The following DLG2 variants were observed in gnomAD, a reference collection of about 807,000 sequenced individuals.
DLG2 encodes discs large MAGUK scaffold protein 2, also known as disks large homolog 2.
In DLG2, 45 loss-of-function variants were observed where a neutral mutation model predicts 132.5. The observed-to-expected ratio is 0.34, with a 90% CI of 0.27 to 0.44. The LOEUF (loss-of-function observed/expected upper bound fraction) is 0.44, where lower values mean the gene tolerates loss of function less well. DLG2 is among the 20% of genes least tolerant of loss of function. The pLI is 1.00. For synonymous variants in DLG2, 424 were observed against 419.6 expected (o/e 1.01, Z -0.13); for missense variants, 1,045 against 1,196.9 (o/e 0.87, Z 1.87).
chr11:84,927,945 A>T (rs1054524755), intron 6 of DLG2, among the ~76,000 whole-genome samples: 1 of 151,950 alleles, frequency 6.6e-6, no homozygotes, highest in Non-Finnish European at 1.5e-5. Context: ...TATCTGTGTT[A>T]ACAAGCCCTC....
intron 18 of DLG2, among the ~76,000 whole-genome samples, chr11:83,753,284 G>A (rs1475044499): frequency 6.6e-6 from 1 of 152,016 alleles, no homozygotes; most frequent in East Asian, 1.9e-4. Flanking sequence ...TTAGCTGGGC[G>A]TGGTGGCAGG....
chr11:85,132,670 T>C (rs1477823820), intron 5 of DLG2: 1 of 454,786 alleles, frequency 2.2e-6, no homozygotes, highest in Admixed American at 2.4e-5. Flanking sequence ...TCATTTTCTC[T>C]CATGAACTGG....
intron 14 of DLG2, among the ~76,000 whole-genome samples, chr11:83,951,161 G>A (rs1183753128): frequency 6.6e-6 from 1 of 152,078 alleles, no homozygotes; most frequent in Non-Finnish European, 1.5e-5. Flanking sequence ...ATATACAGCT[G>A]ATGGGAATGT....
chr11:84,216,765 G>C (rs181648178), intron 8 of DLG2, among the ~76,000 whole-genome samples: 71 of 152,254 alleles, frequency 4.7e-4, no homozygotes, highest in African/African-American at 1.7e-3. Flanking sequence ...TAGCAACAAA[G>C]AAATGTTATA....
At chr11:83,715,925 T>A (rs2086585387) in intron 18 of DLG2, among the ~76,000 whole-genome samples, 1 of 152,172 alleles carries the variant, frequency 6.6e-6, no homozygotes, top group Non-Finnish European at 1.5e-5. Context: ...TCTGATCATC[T>A]CATTAGGCTG....
chr11:84,907,703 G>A (rs2091669783), intron 6 of DLG2, among the ~76,000 whole-genome samples: 1 of 152,142 alleles, frequency 6.6e-6, no homozygotes, highest in African/African-American at 2.4e-5. Context: ...CTTAGAACAT[G>A]GCAGAGGAGA....
intron 6 of DLG2, among the ~76,000 whole-genome samples, chr11:84,579,841 G>C (rs150894014): frequency 6.6e-6 from 1 of 152,326 alleles, no homozygotes; most frequent in Non-Finnish European, 1.5e-5. Flanking sequence ...TTAATGCAGA[G>C]AGAGAATAAC....
chr11:85,604,013 C>T (rs897739905), intron 2 of DLG2, among the ~76,000 whole-genome samples: 3 of 152,134 alleles, frequency 2.0e-5, no homozygotes, highest in Non-Finnish European at 2.9e-5. Context: ...ATCACATCTA[C>T]AAATATAATT....
intron 8 of DLG2, among the ~76,000 whole-genome samples, chr11:84,184,513 T>C (rs913139080): frequency 6.6e-6 from 1 of 151,552 alleles, no homozygotes; most frequent in Non-Finnish European, 1.5e-5. Flanking sequence ...TCTCCCATTC[T>C]GTAGGTTGCC....
At chr11:83,754,814 C>A (rs957884346) in intron 18 of DLG2, among the ~76,000 whole-genome samples, 11 of 151,386 alleles carry the variant, frequency 7.3e-5, no homozygotes, top group Admixed American at 7.2e-4. Context: ...GTTGGAGAAA[C>A]AATATTGGCA....
intron 6 of DLG2, among the ~76,000 whole-genome samples, chr11:84,774,431 TA>T (rs530391823): frequency 6.6e-6 from 1 of 151,928 alleles, no homozygotes; most frequent in Non-Finnish European, 1.5e-5. Flanking sequence ...TTCCCAGAAT[TA>T]AAAAAAGACT....
rs546494361 is a variant in DLG2, at chr11:85,510,678, C to T, written c.40+87979G>A. 1.4e-4 allele frequency among the ~76,000 whole-genome samples: 22 copies of T among 152,128 alleles called. No homozygotes were observed. In the South Asian group the frequency reaches 2.1e-3, roughly 14 times the overall value. On this transcript the variant is annotated intron_variant, in intron 3 of 27. Transcript: ENST00000376104. ...AAATCAAAACCACAATGAGATACCACCTCACGCCAGTTAGAATGGTGATCA... is the reference window on the plus strand; with the variant it reads ...AAATCAAAACCACAATGAGATACCATCTCACGCCAGTTAGAATGGTGATCA...
intron 7 of DLG2, among the ~76,000 whole-genome samples, chr11:84,341,499 T>TA (rs1163674598): frequency 1.3e-5 from 2 of 152,144 alleles, no homozygotes; most frequent in Non-Finnish European, 2.9e-5. Flanking sequence ...TTTAAAAACA[T>TA]AAAAAATGGC....
intron 21 of DLG2, among the ~76,000 whole-genome samples, chr11:83,531,971 T>C (rs1443602928): frequency 7.0e-6 from 1 of 143,212 alleles, no homozygotes; most frequent in Non-Finnish European, 1.5e-5. Context: ...AGTAGATTAG[T>C]GGTTGCCTAT....
intron 7 of DLG2, among the ~76,000 whole-genome samples, chr11:84,449,155 T>C (rs1385865135): frequency 6.6e-6 from 1 of 151,642 alleles, no homozygotes; most frequent in Non-Finnish European, 1.5e-5. Flanking sequence ...AGCTGTCACA[T>C]TTTTTTTACT....
chr11:84,147,582 A>G (rs1335843809), intron 9 of DLG2, among the ~76,000 whole-genome samples: 1 of 152,180 alleles, frequency 6.6e-6, no homozygotes, highest in Non-Finnish European at 1.5e-5. Flanking sequence ...AAAGAAAAGA[A>G]AAGAGTTGCA....
chr11:84,814,016 C>T (rs1194538787), intron 6 of DLG2, among the ~76,000 whole-genome samples: 1 of 152,038 alleles, frequency 6.6e-6, no homozygotes, highest in Admixed American at 6.6e-5. Flanking sequence ...GCAGAGTAAC[C>T]CCTTAGGAGA....
chr11:84,467,475 T>C (rs2099097520), intron 7 of DLG2, among the ~76,000 whole-genome samples: 2 of 151,388 alleles, frequency 1.3e-5, no homozygotes, highest in South Asian at 4.1e-4. Context: ...AATTGGTGAA[T>C]AAGGTGAAGC....
At chr11:84,154,606 G>A (rs1053931955) in intron 9 of DLG2, among the ~76,000 whole-genome samples, 1 of 151,996 alleles carries the variant, frequency 6.6e-6, no homozygotes, top group Non-Finnish European at 1.5e-5. Context: ...CCAGTAACTC[G>A]TCATTTACAT....
Sources: gnomAD v4.1 joint callset for allele counts (sites outside exome capture counted in the v4.1 genomes callset) on GRCh38, gnomAD v4.1.1 for gene constraint, MANE v1.5 for transcripts, NCBI Gene and HGNC (gene_info 2026-07-23, HGNC 2026-07-21) for gene names.